The following VPS50 variants were observed in gnomAD, a reference collection of about 807,000 sequenced individuals.
VPS50 encodes syndetin.
In VPS50, 70 loss-of-function variants were observed where a neutral mutation model predicts 139.7. The ratio of observed to expected loss-of-function variants is 0.50; its 90% CI spans 0.41 to 0.61. VPS50 has a LOEUF of 0.61. Among genes scored for constraint, VPS50 ranks in the 20% least tolerant of loss-of-function variants. The pLI, the probability that VPS50 is intolerant of heterozygous loss-of-function variation, is 0.00. For synonymous variants in VPS50, 365 were observed against 376.7 expected, an observed-to-expected ratio of 0.97 and a Z score of 0.36; for missense variants, 921 against 1,133.7, an observed-to-expected ratio of 0.81 and a Z score of 2.69.
intron 23 of VPS50, among the ~76,000 whole-genome samples, chr7:93,344,780 C>T (rs903630681): frequency 2.0e-5 from 3 of 151,940 alleles, no homozygotes; most frequent in South Asian, 2.1e-4. Context: ...TTGAAACCAA[C>T]AAGAACAAAG....
chr7:93,292,595 AT>A (rs1316060063), intron 13 of VPS50, among the ~76,000 whole-genome samples: 1 of 152,046 alleles, frequency 6.6e-6, no homozygotes, highest in African/African-American at 2.4e-5. Context: ...ATTATATACA[AT>A]TTATTGTAGC....
rs73712845 is a variant in VPS50 at position 93,339,446 on chromosome 7, G to A, written c.2059-1981G>A. 6.7e-3 allele frequency among the ~76,000 whole-genome samples: 1,022 copies of A among 151,942 alleles called. 11 individuals are homozygous for A. Among genetic ancestry groups the A allele is most frequent in the African/African-American group, 0.023 (961 of 41,446 alleles). ...AGTAAATTATATGTATGCATTTGAT[G>A]TCTCATTTATTCATATGGAAAATAA... On this transcript the variant is annotated intron_variant, in intron 22 of 27. Coordinates refer to ENST00000305866, the MANE Select transcript of VPS50 (RefSeq NM_017667.4).
chr7:93,278,373 G>T (rs556701610), intron 12 of VPS50, among the ~76,000 whole-genome samples: 2 of 152,010 alleles, frequency 1.3e-5, no homozygotes, highest in East Asian at 1.9e-4. Context: ...GGAGGCCAAG[G>T]AGGCCAGGGG....
chr7:93,311,361 T>C lies in VPS50; in HGVS notation c.1855+89T>C, dbSNP rs1797261399. The C allele has an allele frequency of 8.2e-6, 6 of 734,430 alleles. No homozygotes were observed. The Admixed American group carries it at 1.2e-4, about 15-fold the overall frequency. The allele number at this position is 734,430 out of a possible 1,614,324, so 45.5% of individuals were successfully genotyped here. On this transcript the variant is annotated intron_variant, in intron 20 of 27. Coordinates refer to ENST00000305866, the MANE Select transcript of VPS50 (RefSeq NM_017667.4). The stretch of plus-strand genomic sequence containing the variant: ...TACTTGTGGTTTTTATTGTCTTGTA[T>C]ACTCCAGTGCTCTATGCAATGAGGG...
At chr7:93,286,394 G>A (rs182388999) in intron 12 of VPS50, among the ~76,000 whole-genome samples, 1 of 152,236 alleles carries the variant, frequency 6.6e-6, no homozygotes, top group Admixed American at 6.5e-5. Flanking sequence ...CCTGAACTGA[G>A]TTTCAATGTT....
rs1795714997 is a variant in VPS50 at position 93,262,474 on chromosome 7, T to C, written c.659+2842T>C. Among the ~76,000 whole-genome samples the C allele has an allele frequency of 2.6e-5, 4 of 152,316 alleles. No homozygotes were observed. The South Asian group carries it at 8.3e-4, about 32-fold the overall frequency. On this transcript the variant is annotated intron_variant, in intron 9 of 27. Transcript: ENST00000305866. ...AAAAGATTTAAATTAATAGTTATTTTAGGTAATACAGTGTATAAGAAGCAT... is the reference window on the plus strand; with the variant it reads ...AAAAGATTTAAATTAATAGTTATTTCAGGTAATACAGTGTATAAGAAGCAT...
At chr7:93,356,153 TA>T (rs1798701571) in intron 27 of VPS50, 73 bp downstream of exon 27, 2 of 716,668 alleles carry the variant, frequency 2.8e-6, no homozygotes, top group East Asian at 5.7e-5. Flanking sequence ...GTGTGTTATT[TA>T]ATTCAAAATC....
intron 20 of VPS50, among the ~76,000 whole-genome samples, chr7:93,322,188 TAA>T (rs1301655048): frequency 6.6e-6 from 1 of 152,250 alleles, no homozygotes; most frequent in African/African-American, 2.4e-5. Flanking sequence ...ATTTCTCACA[TAA>T]ATTAAGAAAG....
rs936560535 is a variant in VPS50, at chr7:93,300,767, TTGTTGA to T, written c.1362-2687_1362-2682del. On this transcript the variant is annotated intron_variant, in intron 16 of 27. Coordinates refer to ENST00000305866, the MANE Select transcript of VPS50 (RefSeq NM_017667.4). ...TATCAAGTTTGGTCTCGTTTTGCTGTTGTTGATGTTGTTTTACTAACTGAGAAAAAT... is the reference window on the plus strand; with the variant it reads ...TATCAAGTTTGGTCTCGTTTTGCTGTTGTTGTTTTACTAACTGAGAAAAAT... Among the ~76,000 whole-genome samples, 12 of 152,010 alleles carry T rather than the reference TTGTTGA, an allele frequency of 7.9e-5. 1 individual carries two copies. Among genetic ancestry groups the T allele is most frequent in the African/African-American group, 2.6e-4 (11 of 41,520 alleles).
chr7:93,301,477 T>C (rs1032179249), intron 16 of VPS50, among the ~76,000 whole-genome samples: 4 of 152,144 alleles, frequency 2.6e-5, no homozygotes, highest in African/African-American at 9.7e-5. Flanking sequence ...TTACTTCATA[T>C]ATTATTTTCT....
chr7:93,338,699 G>T (rs1296013131), intron 22 of VPS50, among the ~76,000 whole-genome samples: 2 of 152,154 alleles, frequency 1.3e-5, no homozygotes, highest in Non-Finnish European at 1.5e-5. Flanking sequence ...ATGGTAACAT[G>T]TTTATAGACT....
intron 2 of VPS50, among the ~76,000 whole-genome samples, chr7:93,243,679 T>G (rs1795062606): frequency 1.3e-5 from 2 of 151,976 alleles, no homozygotes; most frequent in South Asian, 4.1e-4. Context: ...GGTATTTTAC[T>G]TAATTGGTTA....
At position 93,249,396 on chromosome 7, in the gene VPS50, G is replaced by A. The variant is rs925214816; in HGVS notation, c.103-3257G>A. Among the ~76,000 whole-genome samples the A allele has an allele frequency of 4.6e-5, 7 of 151,974 alleles. 1 individual carries two copies. Among genetic ancestry groups the A allele is most frequent in the Admixed American group, 3.9e-4 (6 of 15,232 alleles). On this transcript the variant is annotated intron_variant, in intron 2 of 27. Coordinates refer to ENST00000305866, the MANE Select transcript of VPS50 (RefSeq NM_017667.4). ...AGGCATGAAGAGACTAAGTTGCCGAGGGTTAATGATGGAATTGCAGCTAAA... is the reference window on the plus strand; with the variant it reads ...AGGCATGAAGAGACTAAGTTGCCGAAGGTTAATGATGGAATTGCAGCTAAA...
intron 26 of VPS50, among the ~76,000 whole-genome samples, chr7:93,355,609 T>A (rs964721055): frequency 6.6e-6 from 1 of 152,180 alleles, no homozygotes; most frequent in Non-Finnish European, 1.5e-5. Context: ...CAGACAATTA[T>A]GTTGATTGAA....
At chr7:93,323,449 A>T (rs1177278917) in intron 20 of VPS50, 162 bp from the exon 21 acceptor site, 1 of 239,950 alleles carries the variant, frequency 4.2e-6, no homozygotes, top group East Asian at 8.4e-5. Context: ...GCCATTAGCC[A>T]CATGAAACTA....
intron 20 of VPS50, among the ~76,000 whole-genome samples, chr7:93,316,822 A>C (rs1051172537): frequency 6.6e-6 from 1 of 152,240 alleles, no homozygotes; most frequent in Non-Finnish European, 1.5e-5. Flanking sequence ...TAAAATGACT[A>C]GGAAGGACTA....
intron 11 of VPS50, among the ~76,000 whole-genome samples, chr7:93,274,235 C>T (rs550520145): frequency 2.0e-4 from 30 of 152,172 alleles, no homozygotes; most frequent in African/African-American, 4.1e-4. Context: ...TCAGTGTACA[C>T]GGAACAGCCT....
chr7:93,294,814 G>A (rs539930952), intron 14 of VPS50, among the ~76,000 whole-genome samples, 178 bp downstream of exon 14: 143 of 152,154 alleles, frequency 9.4e-4, no homozygotes, highest in African/African-American at 3.3e-3. Flanking sequence ...TAAGTGGCAG[G>A]AAAAAAGTTT....
intron 2 of VPS50, among the ~76,000 whole-genome samples, chr7:93,244,807 A>G (rs937707583): frequency 2.0e-5 from 3 of 151,868 alleles, no homozygotes; most frequent in Admixed American, 1.3e-4. Context: ...GACTCTAACT[A>G]TGGATCTGCA....
Sources: gnomAD v4.1 joint callset for allele counts (sites outside exome capture counted in the v4.1 genomes callset) on GRCh38, gnomAD v4.1.1 for gene constraint, MANE v1.5 for transcripts, NCBI Gene and HGNC (gene_info 2026-07-23, HGNC 2026-07-21) for gene names.